Variants in BABAM2 observed in about 807,000 individuals in gnomAD.
The protein encoded by BABAM2 is BRISC and BRCA1-A complex member 2.
In BABAM2, 31 loss-of-function variants were observed where a neutral mutation model predicts 54.7. The observed-to-expected ratio is 0.57, with a 90% CI of 0.43 to 0.77. The LOEUF (loss-of-function observed/expected upper bound fraction) is 0.77, where lower values mean the gene tolerates loss of function less well. Among genes scored for constraint, BABAM2 ranks in the 30% least tolerant of loss-of-function variants. BABAM2 has a pLI of 0.00. For missense variants in BABAM2, 364 were observed against 455.8 expected, an observed-to-expected ratio of 0.80 and a Z score of 1.83; for synonymous variants, 167 against 162.9, an observed-to-expected ratio of 1.03 and a Z score of -0.19.
intron 3 of BABAM2, among the ~76,000 whole-genome samples, chr2:27,932,979 G>A (rs934062346): frequency 6.6e-6 from 1 of 152,120 alleles, no homozygotes; most frequent in African/African-American, 2.4e-5. Context: ...TTATCTTTCT[G>A]TATTCACTAT....
At chr2:28,323,340 C>T (rs1033989038) in intron 11 of BABAM2, among the ~76,000 whole-genome samples, 1 of 152,212 alleles carries the variant, frequency 6.6e-6, no homozygotes, top group African/African-American at 2.4e-5. Flanking sequence ...CAGACCCGTG[C>T]AGCACCTCTG....
intron 5 of BABAM2, among the ~76,000 whole-genome samples, chr2:28,041,649 A>G (rs955207174): frequency 6.6e-6 from 1 of 152,112 alleles, no homozygotes; most frequent in Non-Finnish European, 1.5e-5. Flanking sequence ...ACACAGGCAC[A>G]CGCCTGCATC....
chr2:28,228,235 A>G (rs1681065377), intron 7 of BABAM2, among the ~76,000 whole-genome samples: 1 of 152,202 alleles, frequency 6.6e-6, no homozygotes, highest in Non-Finnish European at 1.5e-5. Context: ...ACGTGAAGTT[A>G]CCTAGTGCTA....
At chr2:27,949,756 T>TA (rs765571726) in intron 3 of BABAM2, among the ~76,000 whole-genome samples, 4 of 152,218 alleles carry the variant, frequency 2.6e-5, no homozygotes, top group Non-Finnish European at 4.4e-5. Context: ...TTTTTATTTT[T>TA]AAAAATAGTT....
chr2:28,001,505 C>A (rs1673574604), intron 4 of BABAM2, among the ~76,000 whole-genome samples: 1 of 152,162 alleles, frequency 6.6e-6, no homozygotes, highest in African/African-American at 2.4e-5. Flanking sequence ...GACAGTTATG[C>A]TATAAGGCAG....
At chr2:27,982,468 GT>G (rs990197502) in intron 3 of BABAM2, among the ~76,000 whole-genome samples, 1 of 150,800 alleles carries the variant, frequency 6.6e-6, no homozygotes, top group Non-Finnish European at 1.5e-5. Context: ...GAATCTTGTA[GT>G]TTTTTGCTGT....
chr2:28,161,120 CCAGA>C (rs1311631811), intron 7 of BABAM2, among the ~76,000 whole-genome samples: 1 of 152,128 alleles, frequency 6.6e-6, no homozygotes, highest in African/African-American at 2.4e-5. Flanking sequence ...CATAAACCAG[CCAGA>C]CGTCTTCAGG....
intron 6 of BABAM2, among the ~76,000 whole-genome samples, chr2:28,060,027 A>G (rs1357212623): frequency 6.6e-6 from 1 of 152,204 alleles, no homozygotes; most frequent in Non-Finnish European, 1.5e-5. Context: ...GATGACAAAA[A>G]TCAGGCAAAG....
In BABAM2 at chr2:28,095,390, C is replaced by T. The variant is rs545050039; in HGVS notation, c.571-33881C>T. Among the ~76,000 whole-genome samples, 6 of 152,302 alleles carry T rather than the reference C, an allele frequency of 3.9e-5. No individual in the cohort carries two copies. In the South Asian group the frequency reaches 1.2e-3, roughly 32 times the overall value. On this transcript the variant is annotated intron_variant, in intron 6 of 11. Transcript: ENST00000379624. ...GTCTTTCTTCTACACTATAAGTTCT[C>T]TGAGTGAGGGCAGGGCCCATGTCTA...
intron 6 of BABAM2, among the ~76,000 whole-genome samples, chr2:28,074,427 A>G (rs1016152414): frequency 6.6e-6 from 1 of 152,166 alleles, no homozygotes; most frequent in Admixed American, 6.5e-5. Flanking sequence ...CGGGAGGGCA[A>G]AATTACCCCT....
intron 7 of BABAM2, among the ~76,000 whole-genome samples, chr2:28,136,668 T>C (rs1670570083): frequency 6.6e-6 from 1 of 152,206 alleles, no homozygotes; most frequent in Admixed American, 6.5e-5. Flanking sequence ...AGGTGGAATA[T>C]GACTTTGATC....
intron 6 of BABAM2, among the ~76,000 whole-genome samples, chr2:28,112,139 TTCTTTCTTTACCTCCCTCCC>T (rs1558346617): frequency 3.4e-4 from 6 of 17,576 alleles, no homozygotes; most frequent in African/African-American, 1.5e-3. Flanking sequence ...CTTTCTTTCT[TTCTTTCTTTACCTCCCTCCC>T]TCCCTCCCTC....
chr2:27,986,259 A>G (rs1294141407), intron 3 of BABAM2, among the ~76,000 whole-genome samples: 1 of 152,180 alleles, frequency 6.6e-6, no homozygotes, highest in Non-Finnish European at 1.5e-5. Context: ...GATAATATGT[A>G]TTATGGACTG....
intron 7 of BABAM2, among the ~76,000 whole-genome samples, chr2:28,144,613 T>C (rs1671339182): frequency 2.0e-5 from 3 of 152,182 alleles, no homozygotes; most frequent in African/African-American, 7.2e-5. Flanking sequence ...GCTCCTTCTC[T>C]AAAGTTTTTA....
intron 6 of BABAM2, 70 bp downstream of exon 6, chr2:28,045,869 G>T (rs1677517079): frequency 3.4e-6 from 4 of 1,193,790 alleles, no homozygotes; most frequent in Non-Finnish European, 4.7e-6. Flanking sequence ...CTCAATATTT[G>T]TATGACTGGT....
At chr2:28,204,449 A>G (rs1266695960) in intron 7 of BABAM2, among the ~76,000 whole-genome samples, 1 of 152,130 alleles carries the variant, frequency 6.6e-6, no homozygotes, top group Non-Finnish European at 1.5e-5. Context: ...GTATAAGCAC[A>G]GGGGACTCAG....
intron 6 of BABAM2, among the ~76,000 whole-genome samples, chr2:28,105,045 G>C (rs1387454659): frequency 6.6e-6 from 1 of 151,444 alleles, no homozygotes; most frequent in Admixed American, 6.6e-5. Context: ...GTTGTGGGGT[G>C]GGGGGATGGG....
intron 8 of BABAM2, among the ~76,000 whole-genome samples, chr2:28,238,577 C>T (rs1682128369): frequency 6.6e-6 from 1 of 152,226 alleles, no homozygotes; most frequent in South Asian, 2.1e-4. Context: ...AGCAACTCCA[C>T]CGTCTGTGGG....
chr2:28,152,093 T>A lies in BABAM2; in HGVS notation c.680+22713T>A, dbSNP rs114445022. 8.6e-3 allele frequency among the ~76,000 whole-genome samples: 1,310 copies of A among 152,346 alleles called. 19 individuals carry two copies. The highest frequency in any genetic ancestry group is 0.03 in the African/African-American group (1,250 of 41,582). Reference sequence around the variant, plus strand: ...ATAAACTCAGGTGGAGATGCTTTCCTGAGGCCTTTAAGCTATAACATTCTG... The same window carrying A: ...ATAAACTCAGGTGGAGATGCTTTCCAGAGGCCTTTAAGCTATAACATTCTG... On this transcript the variant is annotated intron_variant, in intron 7 of 11. Coordinates refer to ENST00000379624, the MANE Select transcript of BABAM2 (RefSeq NM_199191.3).
Sources: gnomAD v4.1 joint callset for allele counts (sites outside exome capture counted in the v4.1 genomes callset) on GRCh38, gnomAD v4.1.1 for gene constraint, MANE v1.5 for transcripts, NCBI Gene and HGNC (gene_info 2026-07-23, HGNC 2026-07-21) for gene names.